Variants in CNTRL observed in about 807,000 individuals in gnomAD.
The protein encoded by CNTRL is centriolin.
A neutral mutation model predicts 303.7 loss-of-function variants in CNTRL; 233 were observed. The ratio of observed to expected loss-of-function variants is 0.77; its 90% CI spans 0.69 to 0.86. CNTRL has a LOEUF of 0.86. Among genes scored for constraint, CNTRL ranks in the 40% least tolerant of loss-of-function variants. The pLI is 0.00. For missense variants in CNTRL, 2,524 were observed against 2,650.6 expected (o/e 0.95, Z 1.05); for synonymous variants, 900 against 922.2 (o/e 0.98, Z 0.44).
Position 121,151,378 on chromosome 9 carries a change from TTTC to T in CNTRL, c.3963+904_3963+906del, listed in dbSNP as rs1232877538. On this transcript the variant is annotated intron_variant, in intron 25 of 43. Coordinates refer to ENST00000373855, the MANE Select transcript of CNTRL (RefSeq NM_007018.6). ...TTACTAGATTACTTCCTTTTTCTTT[TTTC>T]TTCTTCTTTTTTTTTTTTTTTTTTT... 8.7e-3 allele frequency among the ~76,000 whole-genome samples: 1,081 copies of T among 124,954 alleles called. 30 individuals are homozygous for T. The highest frequency in any genetic ancestry group is 9.9e-3 in the Admixed American group (95 of 9,564). The allele number at this position is 124,954 out of a possible 152,430, so 82.0% of individuals were successfully genotyped here. A position where few individuals can be genotyped will look rare whatever the true frequency, so the allele number is the denominator to read the frequency against.
At chr9:121,162,824 G>A (rs2052914174) in intron 34 of CNTRL, among the ~76,000 whole-genome samples, 1 of 152,084 alleles carries the variant, frequency 6.6e-6, no homozygotes, top group Non-Finnish European at 1.5e-5. Context: ...AAACACTGTG[G>A]TATTAGTGTA....
At chr9:121,168,025 C>A in intron 37 of CNTRL, 71 bp from the exon 38 acceptor site, 2 of 1,310,736 alleles carry the variant, frequency 1.5e-6, no homozygotes, top group Non-Finnish European at 2.1e-6. Context: ...TGGAATCTGT[C>A]TCATGTCCAT....
chr9:121,090,509 C>CT (rs1258304259), intron 4 of CNTRL, 104 bp downstream of exon 4: 1 of 1,064,728 alleles, frequency 9.4e-7, no homozygotes, highest in Admixed American at 2.5e-5. Context: ...TGTGGCAGAC[C>CT]TTTTATTGTT....
At chr9:121,102,378 G>C (rs1289136480) in intron 7 of CNTRL, among the ~76,000 whole-genome samples, 2 of 152,110 alleles carry the variant, frequency 1.3e-5, no homozygotes, top group Non-Finnish European at 2.9e-5. Flanking sequence ...CAATAAATTA[G>C]GTATTGATGG....
At position 121,107,984 on chromosome 9, in the gene CNTRL, A is replaced by C; in HGVS notation, c.991A>C (p.Lys331Gln). ...GGAACTCAAGAGTGACTTAAACACA[A>C]AAAATGAATTGGTAAGTTCATATTT... is the stretch of plus-strand genomic sequence containing the variant. The part of the protein sequence containing the change: ...CEELKSDLNT[K>Q]NELLKQKTIE... The change falls in exon 8 of 44, where the codon AAA becomes CAA. Residue 331 changes from lysine (K) to glutamine (Q), a missense_variant. Coordinates refer to ENST00000373855, the MANE Select transcript of CNTRL (RefSeq NM_007018.6). 6.3e-7 allele frequency: 1 copy of C among 1,575,730 alleles called. No homozygotes were observed. Among genetic ancestry groups the C allele is most frequent in the Non-Finnish European group, 8.6e-7 (1 of 1,167,064 alleles).
At position 121,150,747 on chromosome 9, in the gene CNTRL, C is replaced by CA. The variant is rs1260844064; in HGVS notation, c.3963+270dup. On this transcript the variant is annotated intron_variant, in intron 25 of 43. Coordinates refer to ENST00000373855, the MANE Select transcript of CNTRL (RefSeq NM_007018.6). Reference sequence around the variant, plus strand: ...AATTCAAGGCCAGCCCCGGTAACAGCAAAAAACAAAAACCAAAAAAACAAA... The same window carrying CA: ...AATTCAAGGCCAGCCCCGGTAACAGCAAAAAAACAAAAACCAAAAAAACAAA... 6 of 390,848 alleles carry CA rather than the reference C, an allele frequency of 1.5e-5. No individual in the cohort carries two copies. In the Admixed American group the frequency reaches 1.7e-4, roughly 11 times the overall value. 24.2% of individuals were successfully genotyped at this position (390,848 alleles called of 1,614,324 possible).
chr9:121,101,282 A>C (rs2049154737), intron 7 of CNTRL, among the ~76,000 whole-genome samples: 1 of 152,204 alleles, frequency 6.6e-6, no homozygotes, highest in Non-Finnish European at 1.5e-5. Context: ...AAACTGAACA[A>C]CCTGCTCTTG....
At chr9:121,089,735 T>C (rs570260051) in intron 3 of CNTRL, among the ~76,000 whole-genome samples, 1 of 152,302 alleles carries the variant, frequency 6.6e-6, no homozygotes, top group East Asian at 1.9e-4. Context: ...TGCTGAAAAC[T>C]TCATATAGTT....
chr9:121,138,912 G>A (rs975247325), intron 16 of CNTRL, among the ~76,000 whole-genome samples: 2 of 152,132 alleles, frequency 1.3e-5, no homozygotes, highest in African/African-American at 2.4e-5. Flanking sequence ...AGAGATAGAG[G>A]CAGTGTCAGT....
rs1292818530 is a variant in CNTRL, at chr9:121,154,923, C to G, written c.4365+10C>G. On this transcript the variant is annotated intron_variant, in intron 27 of 43. Transcript: ENST00000373855. Reference sequence around the variant, plus strand: ...ATGCACTAAAGAAAAGGTTTGTCTTCTTGTGGTTTGGGGTGTGAGCTCAGT... The same window carrying G: ...ATGCACTAAAGAAAAGGTTTGTCTTGTTGTGGTTTGGGGTGTGAGCTCAGT... The G allele has an allele frequency of 6.2e-7, 1 of 1,613,562 alleles. No individual in the cohort carries two copies. Among genetic ancestry groups the G allele is most frequent in the Admixed American group, 1.7e-5 (1 of 60,018 alleles).
intron 18 of CNTRL, 86 bp from the exon 19 acceptor site, chr9:121,142,005 A>T (rs973498730): frequency 9.2e-7 from 1 of 1,087,228 alleles, no homozygotes; most frequent in Non-Finnish European, 1.3e-6. Context: ...CTGTTGTAAA[A>T]TGGGTGATAA....
At position 121,142,233 on chromosome 9, in the gene CNTRL, A is replaced by G; in HGVS notation, c.2834A>G (p.Glu945Gly). 6.2e-7 allele frequency: 1 copy of G among 1,610,614 alleles called. No homozygotes were observed. Among genetic ancestry groups the G allele is most frequent in the African/African-American group, 1.3e-5 (1 of 74,698 alleles). ...LQLQEADEEK[E>G]RILAQLRELE... ...CTTCAGGAAGCTGATGAAGAGAAGG[A>G]GAGAATTCTGGCCCAACTCCGAGAG... Residue 945 changes from glutamate (E) to glycine (G), a missense_variant, in exon 19 of 44, where the codon GAG becomes GGG. Glu to Gly is a moderately conservative substitution (Grantham distance 98). Coordinates refer to ENST00000373855, the MANE Select transcript of CNTRL (RefSeq NM_007018.6).
Position 121,143,889 on chromosome 9 carries a change from T to A in CNTRL, c.2872-14T>A. 1 of 1,573,064 alleles carries A rather than the reference T, an allele frequency of 6.4e-7. No homozygotes were observed. Among genetic ancestry groups the A allele is most frequent in the South Asian group, 1.2e-5 (1 of 86,088 alleles). On this transcript the variant is annotated splice_polypyrimidine_tract_variant and intron_variant, in intron 19 of 43. Transcript: ENST00000373855. Reference sequence around the variant, plus strand: ...AATGATTCATCTGTTTAATTAATATTTCTTTTATTTTAGAAGAAACTTGAA... The same window carrying A: ...AATGATTCATCTGTTTAATTAATATATCTTTTATTTTAGAAGAAACTTGAA...
intron 7 of CNTRL, among the ~76,000 whole-genome samples, chr9:121,105,915 T>C (rs919860920): frequency 6.6e-6 from 1 of 152,326 alleles, no homozygotes; most frequent in African/African-American, 2.4e-5. Flanking sequence ...ATAAATCATT[T>C]TTTTAAAAAG....
chr9:121,103,144 A>C (rs548966513), intron 7 of CNTRL, among the ~76,000 whole-genome samples: 2 of 152,352 alleles, frequency 1.3e-5, no homozygotes, highest in South Asian at 4.1e-4. Context: ...CCTGACTTCA[A>C]ACTATACTAC....
At chr9:121,078,897 A>AC (rs1225239228) in intron 1 of CNTRL, among the ~76,000 whole-genome samples, 1 of 152,050 alleles carries the variant, frequency 6.6e-6, no homozygotes, top group Non-Finnish European at 1.5e-5. Flanking sequence ...CCCCTCCAGG[A>AC]CCCTCCCTGT....
chr9:121,099,617 A>G (rs1312842806), intron 7 of CNTRL, among the ~76,000 whole-genome samples: 3 of 152,216 alleles, frequency 2.0e-5, no homozygotes, highest in Non-Finnish European at 4.4e-5. Context: ...CTCCGAGCTA[A>G]AGGAGGATGT....
Position 121,140,678 on chromosome 9 carries a change from T to A in CNTRL, c.2375T>A (p.Phe792Tyr), listed in dbSNP as rs1564261182. 6.2e-7 allele frequency: 1 copy of A among 1,613,018 alleles called. No individual in the cohort carries two copies. Among genetic ancestry groups the A allele is most frequent in the Non-Finnish European group, 8.5e-7 (1 of 1,179,276 alleles). The change falls in exon 17 of 44, where the codon TTC becomes TAC. Residue 792 changes from phenylalanine to tyrosine, a missense_variant. Physicochemically the swap from Phe to Tyr is conservative, Grantham distance 22. Transcript: ENST00000373855. ...NNLLKQQLKDFQNHLNHVVDG... is the reference protein window; with the variant it reads ...NNLLKQQLKDYQNHLNHVVDG... ...CTGTTAAAACAGCAACTTAAAGATT[T>A]CCAGAATCACCTTAACCATGTGGTT...
rs1265328249 is a variant in CNTRL, at chr9:121,147,460, G to A, written c.3459+1204G>A. On this transcript the variant is annotated intron_variant, in intron 23 of 43. Transcript: ENST00000373855. The stretch of plus-strand genomic sequence containing the variant: ...GGCTAGTATAGAGTCTATACTTATG[G>A]TAGGGTGAGCTTTCGGTGGGGCTCT... Among the ~76,000 whole-genome samples the A allele has an allele frequency of 3.3e-5, 5 of 152,198 alleles. No homozygotes were observed. The East Asian group carries it at 9.6e-4, about 29-fold the overall frequency.
Sources: gnomAD v4.1 joint callset for allele counts (sites outside exome capture counted in the v4.1 genomes callset) on GRCh38, gnomAD v4.1.1 for gene constraint, MANE v1.5 for transcripts, NCBI Gene and HGNC (gene_info 2026-07-23, HGNC 2026-07-21) for gene names.